The following ANKH variants were observed in gnomAD, a reference collection of about 807,000 sequenced individuals.
ANKH encodes ANKH inorganic pyrophosphate transport regulator.
ANKH carries 15 observed loss-of-function variants against 49.0 expected under a neutral mutation model. The observed-to-expected ratio is 0.31, with a 90% CI of 0.20 to 0.47. The LOEUF is 0.47. Ranked by LOEUF, ANKH falls within the 20% of genes least tolerant of loss-of-function variation. The pLI is 1.00. For synonymous variants in ANKH, 273 were observed against 260.0 expected (o/e 1.05, Z -0.48); for missense variants, 429 against 652.0 (o/e 0.66, Z 3.72).
At chr5:14,810,703 C>T (rs1380603235) in intron 1 of ANKH, among the ~76,000 whole-genome samples, 1 of 152,178 alleles carries the variant, frequency 6.6e-6, no homozygotes, top group African/African-American at 2.4e-5. Flanking sequence ...TGTTTAACTT[C>T]TACCTTCTGT....
intron 9 of ANKH, 66 bp downstream of exon 9, chr5:14,716,639 TC>T (rs1252189241): frequency 6.2e-7 from 1 of 1,604,376 alleles, no homozygotes; most frequent in African/African-American, 1.3e-5. Context: ...TGCAAACATT[TC>T]CAAAGAAAGA....
chr5:14,788,184 T>C (rs1430825327), intron 1 of ANKH: 1 of 152,206 alleles, frequency 6.6e-6, no homozygotes, highest in African/African-American at 2.4e-5. Flanking sequence ...TTCCTGGCTG[T>C]GTTGTCTTCA....
intron 4 of ANKH, among the ~76,000 whole-genome samples, chr5:14,751,553 C>T (rs1276746818): frequency 6.6e-6 from 1 of 152,146 alleles, no homozygotes; most frequent in Non-Finnish European, 1.5e-5. Flanking sequence ...AATATGTTTT[C>T]AGGAATCCCT....
rs754722618 is a variant in ANKH, at chr5:14,871,385, G to A, written c.63C>T (p.Gly21=). The A allele has an allele frequency of 1.2e-6, 2 of 1,613,556 alleles. No individual in the cohort carries two copies. Among genetic ancestry groups the A allele is most frequent in the South Asian group, 2.2e-5 (2 of 91,068 alleles). ...WPLIRFLVPL[G]ITNIAIDFGE... is the part of the protein sequence containing the mutation. ...CGAAGTCGATGGCTATGTTGGTGAT[G>A]CCCAGGGGCACCAAGAACCGGATCA... The change falls in exon 1 of 12, where the codon GGC becomes GGT. Residue 21 remains glycine, a synonymous_variant. Transcript: ENST00000284268.
rs149060543 is a variant in ANKH at position 14,756,807 on chromosome 5, G to A, written c.433-863C>T. ...CAGGGGTGAGGGGGTGGGGAGGGAG[G>A]AGTTGATCTGGTCCTTATAAATGTT... On this transcript the variant is annotated intron_variant, in intron 3 of 11. Coordinates refer to ENST00000284268, the MANE Select transcript of ANKH (RefSeq NM_054027.6). 3.9e-3 allele frequency among the ~76,000 whole-genome samples: 589 copies of A among 152,240 alleles called. 2 individuals are homozygous for A. The highest frequency in any genetic ancestry group is 0.014 in the African/African-American group (571 of 41,532).
At chr5:14,720,014 C>G (rs1032657854) in intron 8 of ANKH, among the ~76,000 whole-genome samples, 1 of 152,022 alleles carries the variant, frequency 6.6e-6, no homozygotes, top group African/African-American at 2.4e-5. Context: ...GAACAGAACA[C>G]TAAAATTTTA....
intron 1 of ANKH, among the ~76,000 whole-genome samples, chr5:14,821,025 G>C (rs1216343815): frequency 6.6e-6 from 1 of 151,820 alleles, no homozygotes; most frequent in Admixed American, 6.6e-5. Flanking sequence ...TTGAGCTTGG[G>C]AGATGGAGGT....
intron 1 of ANKH, among the ~76,000 whole-genome samples, chr5:14,773,353 CT>C (rs71603741): frequency 1.4e-3 from 109 of 76,992 alleles, no homozygotes; most frequent in Admixed American, 2.2e-3. Flanking sequence ...GCAAAGCATT[CT>C]TTTTTTTTTT....
chr5:14,724,679 G>T (rs1561025359), intron 8 of ANKH: 1 of 563,282 alleles, frequency 1.8e-6, no homozygotes. Context: ...AGCTCCCCTG[G>T]GGACAATCTG....
chr5:14,711,453 C>A, intron 11 of ANKH, 143 bp from the exon 12 acceptor site: 1 of 694,640 alleles, frequency 1.4e-6, no homozygotes, highest in Non-Finnish European at 2.6e-6. Context: ...GGCGTCACCT[C>A]TTTTGCATCT....
intron 1 of ANKH, among the ~76,000 whole-genome samples, chr5:14,846,857 A>C (rs1741975520): frequency 6.6e-6 from 1 of 151,782 alleles, no homozygotes; most frequent in East Asian, 1.9e-4. Context: ...CACAAAAAAA[A>C]ACTAGCCAGG....
intron 1 of ANKH, among the ~76,000 whole-genome samples, chr5:14,841,913 G>C (rs758506394): frequency 2.0e-5 from 3 of 152,098 alleles, no homozygotes; most frequent in Admixed American, 2.0e-4. Context: ...GTCAATATGT[G>C]ATCATTTAGT....
At chr5:14,724,147 A>G (rs1467839134) in intron 8 of ANKH, among the ~76,000 whole-genome samples, 3 of 152,222 alleles carry the variant, frequency 2.0e-5, no homozygotes, top group Middle Eastern at 3.4e-3. Context: ...GAGAAGCCCC[A>G]TCTCTACTAA....
chr5:14,719,569 G>A (rs576532826), intron 8 of ANKH, among the ~76,000 whole-genome samples: 3 of 152,232 alleles, frequency 2.0e-5, no homozygotes, highest in East Asian at 1.9e-4. Context: ...TTTACACCAC[G>A]AAGGGAAAAT....
intron 1 of ANKH, among the ~76,000 whole-genome samples, chr5:14,838,615 G>A (rs972239376): frequency 2.0e-5 from 3 of 152,226 alleles, no homozygotes; most frequent in East Asian, 1.9e-4. Context: ...GCTTGGGGGC[G>A]CCAGAGAGGA....
chr5:14,805,397 C>CGTGTGT (rs77663812), intron 1 of ANKH, among the ~76,000 whole-genome samples: 5 of 133,226 alleles, frequency 3.8e-5, no homozygotes, highest in African/African-American at 1.4e-4. Context: ...TGTATATATA[C>CGTGTGT]GTGTGTGTGT....
intron 5 of ANKH, 42 bp downstream of exon 5, chr5:14,751,027 C>T (rs1314355623): frequency 6.2e-7 from 1 of 1,606,166 alleles, no homozygotes; most frequent in Admixed American, 1.7e-5. Context: ...TTTTATTCTA[C>T]TCTGAGTCTC....
intron 8 of ANKH, among the ~76,000 whole-genome samples, chr5:14,729,965 A>G (rs1737944058): frequency 6.6e-6 from 1 of 152,134 alleles, no homozygotes; most frequent in African/African-American, 2.4e-5. Flanking sequence ...AATACTAAAC[A>G]CCTTTATCCT....
At chr5:14,796,343 A>G (rs1052057486) in intron 1 of ANKH, among the ~76,000 whole-genome samples, 1 of 151,920 alleles carries the variant, frequency 6.6e-6, no homozygotes, top group Non-Finnish European at 1.5e-5. Flanking sequence ...GATTAATTTA[A>G]TTTTTAAAAC....
Sources: allele counts gnomAD v4.1 joint callset (sites outside exome capture counted in the v4.1 genomes callset), GRCh38; gene constraint gnomAD v4.1.1; transcripts MANE v1.5; gene names NCBI Gene and HGNC (gene_info 2026-07-23, HGNC 2026-07-21).